RAD51B: variants seen among roughly 807,000 people sequenced by gnomAD.
RAD51B encodes the protein DNA repair protein RAD51 homolog 2.
RAD51B carries 38 observed loss-of-function variants against 42.2 expected under a neutral mutation model. That is an observed-to-expected ratio of 0.90 (90% CI 0.70 to 1.18). The LOEUF (loss-of-function observed/expected upper bound fraction) is 1.18. Among genes scored for constraint, RAD51B ranks in the 50% most tolerant of loss-of-function variants. RAD51B has a pLI of 0.00. For synonymous variants in RAD51B, 154 were observed against 145.2 expected, an observed-to-expected ratio of 1.06 and a Z score of -0.43; for missense variants, 373 against 400.7, an observed-to-expected ratio of 0.93 and a Z score of 0.59.
At chr14:67,868,595 AG>A in intron 5 of RAD51B, among the ~76,000 whole-genome samples, 1 of 152,238 alleles carries the variant, frequency 6.6e-6, no homozygotes, top group South Asian at 2.1e-4. Context: ...CAGCTCAAGG[AG>A]GCCTGCCTGC....
intron 7 of RAD51B, among the ~76,000 whole-genome samples, chr14:68,050,385 A>T (rs2076372910): frequency 2.0e-5 from 3 of 152,124 alleles, no homozygotes; most frequent in Non-Finnish European, 4.4e-5. Flanking sequence ...CTGACTCATC[A>T]ATATACCAGC....
chr14:67,879,011 G>A (rs1315150326), intron 5 of RAD51B, among the ~76,000 whole-genome samples: 1 of 152,206 alleles, frequency 6.6e-6, no homozygotes, highest in African/African-American at 2.4e-5. Flanking sequence ...ACTGTGCCTG[G>A]CCATTACATG....
intron 4 of RAD51B, among the ~76,000 whole-genome samples, chr14:67,846,471 A>C (rs1161593311): frequency 6.6e-6 from 1 of 152,078 alleles, no homozygotes; most frequent in Non-Finnish European, 1.5e-5. Context: ...GTGCCAGCAA[A>C]ACGGTAGGGC....
At chr14:68,208,116 AT>A (rs1461383333) in intron 7 of RAD51B, among the ~76,000 whole-genome samples, 2 of 1,422 alleles carry the variant, frequency 1.4e-3, no homozygotes, top group South Asian at 0.067. Context: ...ACAGTATAAT[AT>A]TTAAAAAAAA....
At chr14:68,410,540 T>C (rs2084388962) in intron 8 of RAD51B, among the ~76,000 whole-genome samples, 2 of 151,972 alleles carry the variant, frequency 1.3e-5, no homozygotes, top group South Asian at 2.1e-4. Flanking sequence ...AGGGCCAAAG[T>C]TGGTTCAGAG....
At chr14:68,472,611 A>G (rs2086153449) in intron 10 of RAD51B, among the ~76,000 whole-genome samples, 1 of 152,242 alleles carries the variant, frequency 6.6e-6, no homozygotes, top group Non-Finnish European at 1.5e-5. Context: ...TCAGTAAGAC[A>G]GAAGTGTGTT....
At chr14:68,130,883 G>T (rs369890895) in intron 7 of RAD51B, among the ~76,000 whole-genome samples, 4,231 of 151,482 alleles carry the variant, frequency 0.028, 78 homozygotes, top group Non-Finnish European at 0.044. Flanking sequence ...TGTGTGTGTG[G>T]GTGTGTGTTT....
chr14:68,594,342 C>A, intron 10 of RAD51B: 1 of 693,062 alleles, frequency 1.4e-6, no homozygotes, highest in Non-Finnish European at 2.1e-6. Flanking sequence ...TTGCACATGT[C>A]TACCGTTATG....
intron 7 of RAD51B, among the ~76,000 whole-genome samples, chr14:67,961,582 G>T (rs527377635): frequency 1.3e-5 from 2 of 152,306 alleles, no homozygotes; most frequent in African/African-American, 4.8e-5. Context: ...TTAGTCCTTG[G>T]CTGGATATTT....
chr14:68,078,494 C>CT lies in RAD51B; in HGVS notation c.756+191300dup, dbSNP rs932166899. Reference sequence around the variant, plus strand: ...ATATGTTAGGCTCTAAGCCCTTCACCTTTTTTTTTTCCTTCCAAATAAAGA... The same window carrying CT: ...ATATGTTAGGCTCTAAGCCCTTCACCTTTTTTTTTTTCCTTCCAAATAAAGA... On this transcript the variant is annotated intron_variant, in intron 7 of 10. Transcript: ENST00000471583. Among the ~76,000 whole-genome samples the CT allele has an allele frequency of 3.1e-3, 462 of 149,172 alleles. 2 individuals are homozygous for CT. The highest frequency in any genetic ancestry group is 0.011 in the African/African-American group (432 of 40,848).
intron 8 of RAD51B, among the ~76,000 whole-genome samples, chr14:68,331,765 T>G (rs1469636773): frequency 6.6e-6 from 1 of 152,222 alleles, no homozygotes; most frequent in South Asian, 2.1e-4. Flanking sequence ...AGAGGTTGTC[T>G]GACTTCACAA....
At chr14:68,013,995 C>A (rs1469665050) in intron 7 of RAD51B, among the ~76,000 whole-genome samples, 1 of 152,022 alleles carries the variant, frequency 6.6e-6, no homozygotes, top group African/African-American at 2.4e-5. Flanking sequence ...AGTTCCATGT[C>A]CTTTTATGAG....
chr14:68,459,345 CT>C (rs2085783927), intron 9 of RAD51B, among the ~76,000 whole-genome samples: 1 of 152,194 alleles, frequency 6.6e-6, no homozygotes, highest in Admixed American at 6.5e-5. Context: ...GAGAAAACAA[CT>C]TTTTTCTAAG....
At chr14:68,134,126 T>C (rs1342136363) in intron 7 of RAD51B, among the ~76,000 whole-genome samples, 1 of 152,182 alleles carries the variant, frequency 6.6e-6, no homozygotes, top group Non-Finnish European at 1.5e-5. Flanking sequence ...TCATATTCCC[T>C]AACCTCTGGT....
chr14:68,107,742 C>G (rs2077397986), intron 7 of RAD51B, among the ~76,000 whole-genome samples: 1 of 151,782 alleles, frequency 6.6e-6, no homozygotes, highest in Admixed American at 6.6e-5. Flanking sequence ...ACACATAATA[C>G]TGGGACAATT....
chr14:68,467,530 C>T (rs1446176712), intron 9 of RAD51B, among the ~76,000 whole-genome samples: 2 of 152,230 alleles, frequency 1.3e-5, no homozygotes, highest in East Asian at 1.9e-4. Flanking sequence ...ATGGCACAAA[C>T]GTTAAGAGAA....
At chr14:67,862,556 AG>A (rs1168320431) in intron 4 of RAD51B, among the ~76,000 whole-genome samples, 1 of 152,206 alleles carries the variant, frequency 6.6e-6, no homozygotes, top group Non-Finnish European at 1.5e-5. Flanking sequence ...AATTGATGGA[AG>A]GTATTGAAAA....
At chr14:68,038,905 G>T (rs2076175149) in intron 7 of RAD51B, among the ~76,000 whole-genome samples, 1 of 152,026 alleles carries the variant, frequency 6.6e-6, no homozygotes, top group South Asian at 2.1e-4. Flanking sequence ...GAGGTTATTT[G>T]TGTCTCTTGT....
intron 7 of RAD51B, among the ~76,000 whole-genome samples, chr14:68,042,134 T>C (rs1314097105): frequency 6.6e-6 from 1 of 152,212 alleles, no homozygotes; most frequent in African/African-American, 2.4e-5. Flanking sequence ...TTGAATTTTA[T>C]GTCTGCAGAG....
Sources: allele counts gnomAD v4.1 joint callset (sites outside exome capture counted in the v4.1 genomes callset), GRCh38; gene constraint gnomAD v4.1.1; transcripts MANE v1.5; gene names NCBI Gene and HGNC (gene_info 2026-07-23, HGNC 2026-07-21).